The following DENND2B variants were observed in gnomAD, a reference collection of about 807,000 sequenced individuals.
The protein encoded by DENND2B is DENN domain-containing protein 2B.
A neutral mutation model predicts 116.0 loss-of-function variants in DENND2B; 32 were observed. The ratio of observed to expected loss-of-function variants is 0.28; its 90% confidence interval spans 0.21 to 0.37. DENND2B has a LOEUF of 0.37. DENND2B is among the 10% of genes least tolerant of loss of function. The pLI is 1.00. For missense variants in DENND2B, 1,276 were observed against 1,477.7 expected (o/e 0.86, Z 2.24); for synonymous variants, 588 against 583.9 (o/e 1.01, Z -0.10).
intron 4 of DENND2B, among the ~76,000 whole-genome samples, chr11:8,724,634 C>A (rs563118791): frequency 6.6e-6 from 1 of 152,316 alleles, no homozygotes; most frequent in Admixed American, 6.5e-5. Flanking sequence ...CACAAGTTTG[C>A]CAATACCATG....
intron 1 of DENND2B, among the ~76,000 whole-genome samples, chr11:8,806,988 G>T (rs2060920532): frequency 2.0e-5 from 3 of 149,738 alleles, no homozygotes; most frequent in Non-Finnish European, 3.0e-5. Flanking sequence ...CCAACTCAAA[G>T]AACTCAATTA....
chr11:8,898,888 G>A lies in DENND2B; in HGVS notation c.-256+11933C>T, dbSNP rs529196866. Among the ~76,000 whole-genome samples, 113 of 152,158 alleles carry A rather than the reference G, an allele frequency of 7.4e-4. 1 individual carries two copies. The highest frequency in any genetic ancestry group is 2.6e-3 in the African/African-American group (107 of 41,506). ...AGTTAATGGAAACTTTTTCTGTAGGGGCCCAAATGTTAGACTTAGCAGACA... is the reference window on the plus strand; with the variant it reads ...AGTTAATGGAAACTTTTTCTGTAGGAGCCCAAATGTTAGACTTAGCAGACA... On this transcript the variant is annotated intron_variant, in intron 1 of 22. Transcript: ENST00000534127.
chr11:8,809,860 C>T (rs1177548183), intron 1 of DENND2B: 1 of 151,832 alleles, frequency 6.6e-6, no homozygotes, highest in Non-Finnish European at 1.5e-5. Flanking sequence ...CAGCCCCCTC[C>T]TCCACCTCTT....
intron 7 of DENND2B, among the ~76,000 whole-genome samples, chr11:8,714,323 C>A (rs1294556707): frequency 6.6e-6 from 1 of 152,230 alleles, no homozygotes; most frequent in Non-Finnish European, 1.5e-5. Context: ...AAAGATGGAC[C>A]CTGCCTCCAG....
intron 16 of DENND2B, 57 bp from the exon 17 acceptor site, chr11:8,697,693 T>TTAGAAGA: frequency 8.7e-7 from 1 of 1,143,568 alleles, no homozygotes; most frequent in South Asian, 1.2e-5. Flanking sequence ...ACTTACTATG[T>TTAGAAGA]GCTAAGACCT....
chr11:8,710,277 C>T (rs928166327), intron 11 of DENND2B, among the ~76,000 whole-genome samples: 3 of 152,154 alleles, frequency 2.0e-5, no homozygotes, highest in African/African-American at 7.2e-5. Context: ...TACAAAATGG[C>T]TAACATTTTC....
At chr11:8,717,720 C>G in intron 5 of DENND2B, 21 bp downstream of exon 5, 1 of 1,530,806 alleles carries the variant, frequency 6.5e-7, no homozygotes, top group Non-Finnish European at 8.8e-7. Flanking sequence ...ACCCTACAGG[C>G]CGATGTCAGG....
chr11:8,699,475 G>A (rs183478572), intron 14 of DENND2B, 85 bp from the exon 15 acceptor site: 114 of 1,374,900 alleles, frequency 8.3e-5, no homozygotes, highest in Admixed American at 2.9e-4. Flanking sequence ...GCCTTTGATC[G>A]TAAACCTCCC....
intron 1 of DENND2B, among the ~76,000 whole-genome samples, chr11:8,764,301 T>C (rs905360204): frequency 1.3e-5 from 2 of 152,138 alleles, no homozygotes; most frequent in African/African-American, 2.4e-5. Flanking sequence ...TCTTAGATCA[T>C]TAGGGCTCAA....
intron 10 of DENND2B, 43 bp downstream of exon 10, chr11:8,711,079 G>T: frequency 6.2e-7 from 1 of 1,602,742 alleles, no homozygotes; most frequent in Non-Finnish European, 8.5e-7. Flanking sequence ...TGGGGGTAAA[G>T]AAGGCTATGC....
chr11:8,769,832 A>G (rs993966333), intron 1 of DENND2B, among the ~76,000 whole-genome samples: 2 of 152,144 alleles, frequency 1.3e-5, no homozygotes, highest in African/African-American at 2.4e-5. Context: ...TTTGGCCCCA[A>G]TAAAACTCAT....
chr11:8,789,612 T>C (rs1441577706), intron 1 of DENND2B, among the ~76,000 whole-genome samples: 1 of 152,128 alleles, frequency 6.6e-6, no homozygotes, highest in Non-Finnish European at 1.5e-5. Context: ...AGATCTAAGT[T>C]ACAGTTTATA....
chr11:8,837,538 G>C (rs532495624), intron 4 of DENND2B, among the ~76,000 whole-genome samples: 201 of 152,192 alleles, frequency 1.3e-3, no homozygotes, highest in African/African-American at 4.7e-3. Context: ...AGTAGAGATG[G>C]GGTGTCATTC....
At chr11:8,751,403 A>G (rs1398170976) in intron 1 of DENND2B, among the ~76,000 whole-genome samples, 1 of 152,220 alleles carries the variant, frequency 6.6e-6, no homozygotes, top group Non-Finnish European at 1.5e-5. Context: ...CCAAGCCAGC[A>G]GTGGCAACCC....
At chr11:8,893,484 T>C (rs1213747438) in intron 1 of DENND2B, among the ~76,000 whole-genome samples, 6 of 152,224 alleles carry the variant, frequency 3.9e-5, no homozygotes, top group African/African-American at 1.4e-4. Flanking sequence ...GACATGATTG[T>C]ATGTTTAGAA....
chr11:8,859,018 CA>C (rs2063295118), intron 2 of DENND2B, among the ~76,000 whole-genome samples: 1 of 152,166 alleles, frequency 6.6e-6, no homozygotes, highest in African/African-American at 2.4e-5. Flanking sequence ...AGACAAGAAA[CA>C]GGCTGAAGAC....
In DENND2B at chr11:8,897,091, AT is replaced by A. The variant is rs11433540; in HGVS notation, c.-256+13729del. On this transcript the variant is annotated intron_variant, in intron 1 of 22. Coordinates refer to the DENND2B transcript ENST00000534127. Reference sequence around the variant, plus strand: ...CATCTCTACAAAAAATACAAAAAAAATTTTTTTTTTTAAAAACTAGCCAGGT... The same window carrying A: ...CATCTCTACAAAAAATACAAAAAAAATTTTTTTTTTAAAAACTAGCCAGGT... Among the ~76,000 whole-genome samples the A allele has an allele frequency of 3.2e-3, 486 of 150,828 alleles. 3 individuals carry two copies. Among genetic ancestry groups the A allele is most frequent in the African/African-American group, 0.011 (459 of 41,122 alleles).
At chr11:8,797,810 A>G (rs2059965870) in intron 1 of DENND2B, among the ~76,000 whole-genome samples, 1 of 151,526 alleles carries the variant, frequency 6.6e-6, no homozygotes, top group African/African-American at 2.4e-5. Context: ...TCCCTCTCAA[A>G]TTTCCATACC....
At chr11:8,815,601 C>G (rs1174719414), upstream of DENND2B, among the ~76,000 whole-genome samples, 1 of 152,224 alleles carries the variant, frequency 6.6e-6, no homozygotes, top group Non-Finnish European at 1.5e-5. Flanking sequence ...CAAAATCTTA[C>G]TGCCTTCAAG....
Sources: allele counts gnomAD v4.1 joint callset (sites outside exome capture counted in the v4.1 genomes callset), GRCh38; gene constraint gnomAD v4.1.1; transcripts MANE v1.5; gene names NCBI Gene and HGNC (gene_info 2026-07-23, HGNC 2026-07-21).